Variants in PHF2 observed in about 807,000 individuals in gnomAD.
PHF2 encodes the protein PHD finger protein 2, also known as lysine-specific demethylase PHF2.
A neutral mutation model predicts 120.5 loss-of-function variants in PHF2; 27 were observed. The observed-to-expected ratio is 0.22, with a 90% CI of 0.17 to 0.31. PHF2 has a LOEUF of 0.31. Ranked by LOEUF, PHF2 falls within the 10% of genes least tolerant of loss-of-function variation. The pLI, the probability that PHF2 is intolerant of heterozygous loss-of-function variation, is 1.00. For synonymous variants in PHF2, 568 were observed against 592.5 expected (o/e 0.96, Z 0.60); for missense variants, 1,024 against 1,434.8 (o/e 0.71, Z 4.63).
At chr9:93,651,098 T>TAAAA (rs59504471) in intron 5 of PHF2, among the ~76,000 whole-genome samples, 7 of 138,906 alleles carry the variant, frequency 5.0e-5, no homozygotes, top group East Asian at 4.2e-4. Context: ...TTTTAAAAAT[T>TAAAA]AAAAAAAAAA....
chr9:93,580,707 G>A (rs1292757104), intron 1 of PHF2, among the ~76,000 whole-genome samples: 1 of 152,198 alleles, frequency 6.6e-6, no homozygotes, highest in African/African-American at 2.4e-5. Context: ...ATTGAAAGCT[G>A]TTCAGGTCAC....
chr9:93,586,413 T>C (rs1272863893), intron 1 of PHF2, among the ~76,000 whole-genome samples: 1 of 152,214 alleles, frequency 6.6e-6, no homozygotes, highest in Admixed American at 6.5e-5. Flanking sequence ...ACTGGGCACT[T>C]CTGGATGCCA....
chr9:93,602,247 C>CTTTTTTTTTTTTTTTTTTTTTTTTT (rs67001312), intron 1 of PHF2, among the ~76,000 whole-genome samples: 1 of 79,670 alleles, frequency 1.3e-5, no homozygotes, highest in Non-Finnish European at 2.2e-5. Context: ...CCTAGAGATT[C>CTTTTTTTTTTTTTTTTTTTTTTTTT]TTTTTTTTTT....
intron 7 of PHF2, among the ~76,000 whole-genome samples, chr9:93,655,665 G>C (rs1425330923): frequency 2.6e-5 from 4 of 152,230 alleles, no homozygotes; most frequent in African/African-American, 4.8e-5. Context: ...TGACTAGTCT[G>C]TGCTGTCTCA....
chr9:93,659,582 A>C lies in PHF2; in HGVS notation c.1311A>C (p.Lys437Asn). 1 of 1,614,064 alleles carries C rather than the reference A, an allele frequency of 6.2e-7. No individual in the cohort carries two copies. Among genetic ancestry groups the C allele is most frequent in the Non-Finnish European group, 8.5e-7 (1 of 1,179,972 alleles). The change falls in exon 11 of 22, where the codon AAA (lysine) becomes AAC (asparagine). Residue 437 changes from lysine (K) to asparagine (N), a missense_variant. Around this residue, in one of 2 missense-constraint regions of PHF2, gnomAD observed 677 missense variants for 857.4 expected, o/e 0.79. Coordinates refer to ENST00000359246, the MANE Select transcript of PHF2 (RefSeq NM_005392.4). ...CACAGCTAATCAAAGACCTGGCCAA[A>C]GAGATCCGGCTCAGTGAGGTGGGGC... ...KPSQLIKDLA[K>N]EIRLSENASK...
In PHF2 at chr9:93,576,727, C is replaced by G; in HGVS notation, c.-47C>G. On this transcript the variant is annotated 5_prime_UTR_variant, in exon 1 of 22. Transcript: ENST00000359246. The stretch of plus-strand genomic sequence containing the variant: ...CGGCCCCCGGCCCGGCCCGGACCGA[C>G]CCGGGCAGCGCAGCGGCGGGGCCGA... The G allele has an allele frequency of 1.0e-6, 1 of 976,940 alleles. No individual in the cohort carries two copies. Among genetic ancestry groups the G allele is most frequent in the Non-Finnish European group, 1.3e-6 (1 of 787,998 alleles). 60.5% of individuals were successfully genotyped at this position (976,940 alleles called of 1,614,324 possible).
chr9:93,642,945 C>A (rs1826193885), intron 3 of PHF2, among the ~76,000 whole-genome samples: 1 of 152,064 alleles, frequency 6.6e-6, no homozygotes, highest in Non-Finnish European at 1.5e-5. Context: ...ATTGCCTGGT[C>A]TTTTTTCTTT....
intron 13 of PHF2, among the ~76,000 whole-genome samples, chr9:93,663,282 C>T (rs181027589): frequency 1.3e-5 from 2 of 152,266 alleles, no homozygotes; most frequent in East Asian, 3.9e-4. Flanking sequence ...TTTCCCTTCA[C>T]GGTCCACACA....
At chr9:93,613,565 T>TC (rs1231426391) in intron 1 of PHF2, among the ~76,000 whole-genome samples, 1 of 149,818 alleles carries the variant, frequency 6.7e-6, no homozygotes, top group Admixed American at 6.6e-5. Context: ...TTTTTCTTTT[T>TC]TTTTTTTTTT....
intron 1 of PHF2, among the ~76,000 whole-genome samples, chr9:93,621,188 G>A (rs1825819579): frequency 6.6e-6 from 1 of 152,182 alleles, no homozygotes; most frequent in South Asian, 2.1e-4. Context: ...GCCTTGGAGG[G>A]GCAGGAGGGG....
chr9:93,652,290 C>CTT (rs751282822), intron 5 of PHF2, among the ~76,000 whole-genome samples: 2,311 of 96,276 alleles, frequency 0.024, 161 homozygotes, highest in African/African-American at 0.095. Flanking sequence ...TTGAGCTTGA[C>CTT]TTTTTTTTTT....
intron 1 of PHF2, among the ~76,000 whole-genome samples, chr9:93,580,805 A>G (rs1564370042): frequency 6.6e-6 from 1 of 152,318 alleles, no homozygotes; most frequent in East Asian, 1.9e-4. Context: ...GTGAGGGCCC[A>G]GGGGTTAGCC....
chr9:93,609,421 T>G (rs888932986), intron 1 of PHF2, among the ~76,000 whole-genome samples: 2 of 152,248 alleles, frequency 1.3e-5, no homozygotes, highest in African/African-American at 4.8e-5. Flanking sequence ...TCCTTCTCTC[T>G]GAAGTTCTTT....
In PHF2 at chr9:93,579,962, C is replaced by T. The variant is rs148097084; in HGVS notation, c.98+3091C>T. ...TGGTGGGTGGGGCTGCCCCGCTGGC[C>T]TGGGTTGGGGAGAATGTTCACCATG... On this transcript the variant is annotated intron_variant, in intron 1 of 21. Transcript: ENST00000359246. Among the ~76,000 whole-genome samples, 295 of 152,308 alleles carry T rather than the reference C, an allele frequency of 1.9e-3. 9 individuals carry two copies. The East Asian group carries it at 0.044, about 23-fold the overall frequency.
intron 9 of PHF2, 130 bp from the exon 10 acceptor site, chr9:93,658,015 G>T: frequency 1.6e-6 from 1 of 626,346 alleles, no homozygotes; most frequent in African/African-American, 1.8e-5. Context: ...CAGTTGAGCT[G>T]GTGGCCATGG....
At chr9:93,618,002 T>C (rs1285537173) in intron 1 of PHF2, among the ~76,000 whole-genome samples, 2 of 152,250 alleles carry the variant, frequency 1.3e-5, no homozygotes, top group African/African-American at 4.8e-5. Context: ...CTTTGCATCC[T>C]TCAGTCCAAT....
chr9:93,642,229 T>G (rs948775068), intron 3 of PHF2, among the ~76,000 whole-genome samples: 2 of 152,252 alleles, frequency 1.3e-5, no homozygotes, highest in African/African-American at 4.8e-5. Context: ...GCATTGTTCT[T>G]TTAAAAGACT....
At chr9:93,658,069 C>G (rs1587711285) in intron 9 of PHF2, 76 bp from the exon 10 acceptor site, 2 of 962,178 alleles carry the variant, frequency 2.1e-6, no homozygotes, top group South Asian at 2.9e-5. Context: ...ATCCCCCGGT[C>G]TGGCTATGTG....
chr9:93,676,480 CTGCCCAG>C, intron 20 of PHF2, 107 bp from the exon 21 acceptor site: 1 of 1,312,106 alleles, frequency 7.6e-7, no homozygotes, highest in South Asian at 1.5e-5. Flanking sequence ...CAGGCCCCTG[CTGCCCAG>C]CCCTGCTGTG....
Sources: gnomAD v4.1 joint callset for allele counts (sites outside exome capture counted in the v4.1 genomes callset) on GRCh38, gnomAD v4.1.1 for gene constraint, gnomAD v4.1.1 regional missense constraint, MANE v1.5 for transcripts, NCBI Gene and HGNC (gene_info 2026-07-23, HGNC 2026-07-21) for gene names.